Variants in DECR2 observed in about 807,000 individuals in gnomAD.
DECR2 encodes the protein peroxisomal 2,4-dienoyl-CoA reductase [(3E)-enoyl-CoA-producing].
In DECR2, 34 loss-of-function variants were observed where a neutral mutation model predicts 29.2. That is an observed-to-expected ratio of 1.16 (90% confidence interval 0.89 to 1.55). The LOEUF (loss-of-function observed/expected upper bound fraction) is 1.55. DECR2 is among the 40% of genes most tolerant of loss of function. DECR2 has a pLI of 0.00. For synonymous variants in DECR2, 224 were observed against 182.7 expected (o/e 1.23, Z -1.82); for missense variants, 485 against 425.3 (o/e 1.14, Z -1.23).
At chr16:407,871 C>T (rs2054749261) in intron 4 of DECR2, among the ~76,000 whole-genome samples, 1 of 148,310 alleles carries the variant, frequency 6.7e-6, no homozygotes, top group African/African-American at 2.5e-5. Context: ...GGGCGTCTCT[C>T]TCCGGCCCCA....
chr16:402,908 T>C (rs1463475561), intron 1 of DECR2: 1 of 373,260 alleles, frequency 2.7e-6, no homozygotes, highest in Non-Finnish European at 3.7e-6. Context: ...TCACTTGAAC[T>C]CGGGAGGTGG....
intron 2 of DECR2, 136 bp downstream of exon 2, chr16:405,160 C>A: frequency 9.3e-7 from 1 of 1,074,138 alleles, no homozygotes; most frequent in Non-Finnish European, 1.4e-6. Flanking sequence ...CAGGTGCCTG[C>A]CAGAGGGACT....
chr16:411,386 C>G lies in DECR2; in HGVS notation c.687C>G (p.Thr229=). The G allele has an allele frequency of 2.5e-6, 4 of 1,610,706 alleles. No homozygotes were observed. Among genetic ancestry groups the G allele is most frequent in the South Asian group, 2.2e-5 (2 of 91,020 alleles). Residue 229 remains threonine (T), a synonymous_variant, in exon 8 of 9, where the codon ACC becomes ACG. Transcript: ENST00000219481. ...RLGGPQASLS[T]KVTASPLQRL... ...GTGGCCCTCAGGCCAGCCTGAGCAC[C>G]AAGGTCACTGCCAGCCCGCTGCAGA...
At position 410,382 on chromosome 16, in the gene DECR2, C is replaced by A. The variant is rs199661265; in HGVS notation, c.462+15C>A. ...AGTTCTTCCGGGTGGGTGCCTCGTG[C>A]GCTCTGTGAGAAGTTCTTCCGGGTG... On this transcript the variant is annotated intron_variant, in intron 5 of 8. Coordinates refer to ENST00000219481, the MANE Select transcript of DECR2 (RefSeq NM_020664.4). This position sits in a 1 kb window ranked among gnomAD's most constrained non-coding sequence, Gnocchi z 4.1. The A allele has an allele frequency of 6.3e-7, 1 of 1,580,034 alleles. No individual in the cohort carries two copies.
intron 3 of DECR2, 101 bp downstream of exon 3, chr16:406,498 C>A: frequency 2.3e-6 from 3 of 1,300,036 alleles, no homozygotes; most frequent in South Asian, 1.3e-5. Context: ...ATGTTGGCAC[C>A]AAAACTTTTT....
In DECR2 at chr16:407,224, G is replaced by A. The variant is rs941863827; in HGVS notation, c.202-201G>A. 5.0e-6 allele frequency: 7 copies of A among 1,402,300 alleles called. No individual in the cohort carries two copies. The African/African-American group carries it at 1.0e-4, about 20-fold the overall frequency. 86.9% of individuals were successfully genotyped at this position (1,402,300 alleles called of 1,614,324 possible). On this transcript the variant is annotated intron_variant, in intron 3 of 8. Coordinates refer to ENST00000219481, the MANE Select transcript of DECR2 (RefSeq NM_020664.4). ...GGGAGGATTCTAGGACAGGTGGCAG[G>A]TGGGGGGAGAGCGTGGCAGGTTCCC...
At chr16:408,375 C>A (rs1455344662) in intron 4 of DECR2, among the ~76,000 whole-genome samples, 1 of 151,474 alleles carries the variant, frequency 6.6e-6, no homozygotes, top group Non-Finnish European at 1.5e-5. Context: ...CTGTCTCTGG[C>A]CCTCTGTCTC....
intron 1 of DECR2, among the ~76,000 whole-genome samples, chr16:402,563 A>G (rs1293338861): frequency 6.6e-6 from 1 of 152,016 alleles, no homozygotes; most frequent in Non-Finnish European, 1.5e-5. Context: ...GGTGTTCACA[A>G]GAGAAGGCAG....
At position 411,358 on chromosome 16, in the gene DECR2, C is replaced by T; in HGVS notation, c.662-3C>T. ...GGGGCCTGAGCCTTCTGCTGCCCTC[C>T]AGGTGGCCCTCAGGCCAGCCTGAGC... On this transcript the variant is annotated splice_polypyrimidine_tract_variant and splice_region_variant and intron_variant, in intron 7 of 8. Transcript: ENST00000219481. The T allele has an allele frequency of 6.2e-7, 1 of 1,603,756 alleles. No individual in the cohort carries two copies. Among genetic ancestry groups the T allele is most frequent in the Non-Finnish European group, 8.5e-7 (1 of 1,178,158 alleles).
At chr16:411,822 C>T (rs1234167705) in intron 8 of DECR2, 68 bp from the exon 9 acceptor site, 4 of 475,498 alleles carry the variant, frequency 8.4e-6, no homozygotes, top group East Asian at 3.5e-5. Flanking sequence ...GCTGGGTGGC[C>T]GAGGCAGCCG....
Position 410,389 on chromosome 16 carries a change from T to C in DECR2, c.462+22T>C. On this transcript the variant is annotated intron_variant, in intron 5 of 8. Coordinates refer to ENST00000219481, the MANE Select transcript of DECR2 (RefSeq NM_020664.4). This position sits in a 1 kb window ranked among gnomAD's most constrained non-coding sequence, Gnocchi z 4.1. ...CCGGGTGGGTGCCTCGTGCGCTCTG[T>C]GAGAAGTTCTTCCGGGTGGGTGCCT... The C allele has an allele frequency of 1.3e-6, 2 of 1,596,326 alleles. No homozygotes were observed. Among genetic ancestry groups the C allele is most frequent in the Non-Finnish European group, 1.7e-6 (2 of 1,168,836 alleles).
In DECR2 at chr16:410,961, C is replaced by G; in HGVS notation, c.557-11C>G. ...GAGCGGCCCTTTCATATCCAACTTT[C>G]TTCTGTGCAGACGCGATGACGCGGC... On this transcript the variant is annotated splice_polypyrimidine_tract_variant and intron_variant, in intron 6 of 8. Coordinates refer to ENST00000219481, the MANE Select transcript of DECR2 (RefSeq NM_020664.4). The surrounding 1 kb of genome is among the most constrained non-coding windows in gnomAD (Gnocchi z 4.1). The G allele has an allele frequency of 6.3e-7, 1 of 1,589,728 alleles. No individual in the cohort carries two copies. Among genetic ancestry groups the G allele is most frequent in the Non-Finnish European group, 8.6e-7 (1 of 1,168,128 alleles).
intron 3 of DECR2, chr16:406,839 AATC>A (rs2054731014): frequency 1.7e-6 from 1 of 600,898 alleles, no homozygotes; most frequent in South Asian, 3.4e-5. Context: ...TACAGGTGTG[AATC>A]ACTGTGCCCG....
At chr16:407,196 A>T in intron 3 of DECR2, 1 of 1,358,996 alleles carries the variant, frequency 7.4e-7, no homozygotes, top group Non-Finnish European at 9.5e-7. Flanking sequence ...AGGGCGACGC[A>T]GAGGGAGGAT....
At position 410,800 on chromosome 16, in the gene DECR2, C is replaced by A. The variant is rs771958925; in HGVS notation, c.556+16C>A. 3.2e-6 allele frequency: 5 copies of A among 1,568,570 alleles called. No individual in the cohort carries two copies. The highest frequency in any genetic ancestry group is 4.3e-6 in the Non-Finnish European group (5 of 1,157,742). ...GCCGCTGTGGGTATGACCACCCCCC[C>A]CCGCCCAGGTTTGCCCACGTGGGTC... On this transcript the variant is annotated intron_variant, in intron 6 of 8. Transcript: ENST00000219481. The surrounding 1 kb of genome is among the most constrained non-coding windows in gnomAD (Gnocchi z 4.1).
chr16:404,467 C>T (rs902585903), intron 1 of DECR2, among the ~76,000 whole-genome samples: 3 of 151,658 alleles, frequency 2.0e-5, no homozygotes, highest in East Asian at 3.9e-4. Flanking sequence ...CTCGAACTCC[C>T]GACCTCAGGT....
intron 2 of DECR2, chr16:405,598 C>T: frequency 1.5e-6 from 2 of 1,304,226 alleles, no homozygotes; most frequent in Non-Finnish European, 2.0e-6. Context: ...TGTGGGCAAG[C>T]AACCCCCGAA....
chr16:408,032 T>C lies in DECR2; in HGVS notation c.337+472T>C, dbSNP rs1405328203. ...CTCCGGCCCCCTGTCTCCGGGCCCCTGTCTCCGGGCCTCTGTCTCCGGCCC... is the reference window on the plus strand; with the variant it reads ...CTCCGGCCCCCTGTCTCCGGGCCCCCGTCTCCGGGCCTCTGTCTCCGGCCC... On this transcript the variant is annotated intron_variant, in intron 4 of 8. Coordinates refer to ENST00000219481, the MANE Select transcript of DECR2 (RefSeq NM_020664.4). Among the ~76,000 whole-genome samples, 7 of 41,180 alleles carry C rather than the reference T, an allele frequency of 1.7e-4. 1 individual carries two copies. Among genetic ancestry groups the C allele is most frequent in the African/African-American group, 3.6e-4 (4 of 11,226 alleles). 27.0% of individuals were successfully genotyped at this position (41,180 alleles called of 152,430 possible).
At chr16:411,645 T>C (rs1348038341) in intron 8 of DECR2, 67 bp downstream of exon 8, 1 of 1,531,696 alleles carries the variant, frequency 6.5e-7, no homozygotes, top group African/African-American at 1.4e-5. Flanking sequence ...CATGGGCAGG[T>C]CTCTGCGGGA....
Sources: allele counts gnomAD v4.1 joint callset (sites outside exome capture counted in the v4.1 genomes callset), GRCh38; gene constraint gnomAD v4.1.1; non-coding constraint Gnocchi (gnomAD v3.1); transcripts MANE v1.5; gene names NCBI Gene and HGNC (gene_info 2026-07-23, HGNC 2026-07-21).